WDR64: variants seen among roughly 807,000 people sequenced by gnomAD.
WDR64 encodes the protein WD repeat-containing protein 64.
WDR64 carries 112 observed loss-of-function variants against 139.3 expected under a neutral mutation model. That is an observed-to-expected ratio of 0.80 (90% CI 0.69 to 0.94). WDR64 has a LOEUF of 0.94. Ranked by LOEUF, WDR64 falls within the 40% of genes least tolerant of loss-of-function variation. The pLI is 0.00. For missense variants in WDR64, 1,206 were observed against 1,293.1 expected, an observed-to-expected ratio of 0.93 and a Z score of 1.03; for synonymous variants, 444 against 437.7, an observed-to-expected ratio of 1.01 and a Z score of -0.18.
At chr1:241,776,507 G>A (rs549358692) in intron 21 of WDR64, among the ~76,000 whole-genome samples, 59 of 152,020 alleles carry the variant, frequency 3.9e-4, no homozygotes, top group Non-Finnish European at 1.0e-4. Flanking sequence ...TTTATTTAAG[G>A]TTATCCCTGT....
At chr1:241,789,421 T>C (rs529622963) in intron 24 of WDR64, among the ~76,000 whole-genome samples, 24 of 152,304 alleles carry the variant, frequency 1.6e-4, no homozygotes, top group Non-Finnish European at 1.3e-4. Flanking sequence ...AAAAGATACA[T>C]GCATGTGTAT....
Position 241,705,195 on chromosome 1 carries a change from C to T in WDR64, c.975-6607C>T, listed in dbSNP as rs116872609. Among the ~76,000 whole-genome samples the T allele has an allele frequency of 1.3e-3, 192 of 152,246 alleles. 3 individuals carry two copies. In the East Asian group the frequency reaches 0.03, roughly 23 times the overall value. On this transcript the variant is annotated intron_variant, in intron 8 of 27. Transcript: ENST00000437684. The stretch of plus-strand genomic sequence containing the variant: ...GCAAGCTTGACATGTGACACATGTA[C>T]GCGATGACCACTACTCGCTTCCTCA...
chr1:241,735,851 CTCTCTGTGTGTGTGTG>C (rs1343102566), intron 10 of WDR64, among the ~76,000 whole-genome samples: 4 of 87,398 alleles, frequency 4.6e-5, no homozygotes, highest in African/African-American at 1.6e-4. Context: ...CTCTCTCTCT[CTCTCTGTGTGTGTGTG>C]TGTGTGTGTG....
chr1:241,724,005 T>A (rs1455364545), intron 10 of WDR64, among the ~76,000 whole-genome samples: 16 of 151,856 alleles, frequency 1.1e-4, no homozygotes. Flanking sequence ...AATGTCTATA[T>A]AAGAACAATA....
rs550313136 is a variant in WDR64, at chr1:241,707,063, C to T, written c.975-4739C>T. 3.3e-4 allele frequency among the ~76,000 whole-genome samples: 50 copies of T among 152,238 alleles called. 1 individual carries two copies. In the South Asian group the frequency reaches 8.9e-3, roughly 27 times the overall value. ...GGCATGCACTCTCAGTTCACCACAGCCCCCCTTCTCCCTGTGGTGTCATAC... is the reference window on the plus strand; with the variant it reads ...GGCATGCACTCTCAGTTCACCACAGTCCCCCTTCTCCCTGTGGTGTCATAC... On this transcript the variant is annotated intron_variant, in intron 8 of 27. Coordinates refer to ENST00000437684, the MANE Select transcript of WDR64 (RefSeq NM_001367482.1).
chr1:241,663,146 A>C (rs1665895095), intron 2 of WDR64, among the ~76,000 whole-genome samples: 1 of 152,244 alleles, frequency 6.6e-6, no homozygotes, highest in South Asian at 2.1e-4. Flanking sequence ...AAATAGGAGA[A>C]AGTATCATGG....
chr1:241,711,741 A>C, intron 8 of WDR64, 61 bp from the exon 9 acceptor site: 1 of 1,534,674 alleles, frequency 6.5e-7, no homozygotes, highest in Non-Finnish European at 9.0e-7. Flanking sequence ...TCTATTTATA[A>C]GTCAGAATTA....
intron 8 of WDR64, among the ~76,000 whole-genome samples, chr1:241,697,745 T>C (rs1667549871): frequency 6.6e-6 from 1 of 152,218 alleles, no homozygotes; most frequent in African/African-American, 2.4e-5. Context: ...CTCCAGTTCC[T>C]TGATGTTATT....
intron 8 of WDR64, among the ~76,000 whole-genome samples, chr1:241,691,112 T>G (rs1267071743): frequency 1.3e-5 from 2 of 151,970 alleles, no homozygotes; most frequent in African/African-American, 4.8e-5. Context: ...AAATGTATAT[T>G]GCAAATGATA....
chr1:241,666,288 T>C (rs1164312972), intron 2 of WDR64, among the ~76,000 whole-genome samples: 1 of 152,230 alleles, frequency 6.6e-6, no homozygotes, highest in Non-Finnish European at 1.5e-5. Context: ...GGGTATTTGC[T>C]GCTCTTTAAC....
chr1:241,735,533 C>CTTTT (rs58339742), intron 10 of WDR64, among the ~76,000 whole-genome samples: 1,153 of 103,440 alleles, frequency 0.011, 74 homozygotes, highest in African/African-American at 0.041. Context: ...CTCTCTCTCT[C>CTTTT]TTTTTTTTTT....
chr1:241,686,155 C>A lies in WDR64; in HGVS notation c.840-1306C>A, dbSNP rs148209923. On this transcript the variant is annotated intron_variant, in intron 7 of 27. Transcript: ENST00000437684. ...CGGTGTATATATAGGCTGAGTGTTG[C>A]GGCATTTTCTTACACCAAGAGATCT... 5.0e-3 allele frequency among the ~76,000 whole-genome samples: 755 copies of A among 152,162 alleles called. 5 individuals carry two copies. Among genetic ancestry groups the A allele is most frequent in the Non-Finnish European group, 7.5e-3 (510 of 67,988 alleles).
At chr1:241,696,020 G>C (rs892173519) in intron 8 of WDR64, among the ~76,000 whole-genome samples, 2 of 146,012 alleles carry the variant, frequency 1.4e-5, no homozygotes, top group Admixed American at 1.4e-4. Context: ...AGGCTGAGAT[G>C]GGAGGATCAC....
rs999524224 is a variant in WDR64 at position 241,704,012 on chromosome 1, C to T, written c.975-7790C>T. 2.0e-5 allele frequency among the ~76,000 whole-genome samples: 3 copies of T among 152,200 alleles called. No individual in the cohort carries two copies. In the East Asian group the frequency reaches 5.8e-4, roughly 29 times the overall value. On this transcript the variant is annotated intron_variant, in intron 8 of 27. Coordinates refer to ENST00000437684, the MANE Select transcript of WDR64 (RefSeq NM_001367482.1). Reference sequence around the variant, plus strand: ...TTCCTTCCTCAATACTTGGGGATTACAATTCAAGATGAGATTTGGGTGGGG... The same window carrying T: ...TTCCTTCCTCAATACTTGGGGATTATAATTCAAGATGAGATTTGGGTGGGG...
Position 241,796,281 on chromosome 1 carries a change from T to C in WDR64, c.3103T>C (p.Phe1035Leu). The change falls in exon 27 of 28, where the codon TTT becomes CTT. Residue 1035 changes from phenylalanine (F) to leucine (L), a missense_variant. Phe to Leu is a conservative substitution (Grantham distance 22, BLOSUM62 0). Coordinates refer to ENST00000437684, the MANE Select transcript of WDR64 (RefSeq NM_001367482.1). The part of the protein sequence containing the change: ...YSISSPTSLR[F>L]LPLIGVEAQK... ...GATATCAAGCCCCACTAGTCTAAGA[T>C]TTCTTCCACTGATTGGCGTAGAAGC... 6.2e-7 allele frequency: 1 copy of C among 1,613,612 alleles called. No homozygotes were observed.
chr1:241,795,111 C>T lies in WDR64; in HGVS notation c.2998-96C>T, dbSNP rs556320857. ...AACAGGGAAGTCCCTTAAGATCACA[C>T]ATCTAATAAGTGACAGAGTCAGGAT... On this transcript the variant is annotated intron_variant, in intron 25 of 27. Coordinates refer to ENST00000437684, the MANE Select transcript of WDR64 (RefSeq NM_001367482.1). 20 of 975,060 alleles carry T rather than the reference C, an allele frequency of 2.1e-5. No individual in the cohort carries two copies. In the South Asian group the frequency reaches 2.4e-4, roughly 12 times the overall value. 60.4% of individuals were successfully genotyped at this position (975,060 alleles called of 1,614,324 possible).
chr1:241,693,528 C>A (rs1485444976), intron 8 of WDR64, among the ~76,000 whole-genome samples: 1 of 152,046 alleles, frequency 6.6e-6, no homozygotes, highest in African/African-American at 2.4e-5. Context: ...CAATTGTGAA[C>A]CCTAATGTAA....
intron 8 of WDR64, among the ~76,000 whole-genome samples, 198 bp from the exon 9 acceptor site, chr1:241,711,604 C>T (rs532907202): frequency 3.9e-5 from 6 of 152,258 alleles, no homozygotes; most frequent in South Asian, 2.1e-4. Flanking sequence ...CAAAGTACTA[C>T]GCGAATATCA....
rs145395572 is a variant in WDR64 at position 241,796,298 on chromosome 1, C to T, written c.3120C>T (p.Gly1040=). Residue 1040 remains glycine, a synonymous_variant, in exon 27 of 28, where the codon GGC becomes GGT. Coordinates refer to ENST00000437684, the MANE Select transcript of WDR64 (RefSeq NM_001367482.1). ...GTCTAAGATTTCTTCCACTGATTGG[C>T]GTAGAAGCCCAAAAGGACTCTTCAG... ...PTSLRFLPLI[G]VEAQKDSSDG... is the part of the protein sequence containing the mutation. The T allele has an allele frequency of 2.0e-4, 315 of 1,613,434 alleles. 2 individuals are homozygous for T. Among genetic ancestry groups the T allele is most frequent in the Middle Eastern group, 1.7e-3 (10 of 6,060 alleles).
Sources: gnomAD v4.1 joint callset for allele counts (sites outside exome capture counted in the v4.1 genomes callset) on GRCh38, gnomAD v4.1.1 for gene constraint, MANE v1.5 for transcripts, NCBI Gene and HGNC (gene_info 2026-07-23, HGNC 2026-07-21) for gene names.